The following FHIT variants were observed in gnomAD, a reference collection of about 807,000 sequenced individuals.
FHIT encodes the protein fragile histidine triad diadenosine triphosphatase.
Under a neutral mutation model 17.9 loss-of-function variants are expected in FHIT, and 19 were observed. The observed-to-expected ratio is 1.06, with a 90% CI of 0.74 to 1.56. FHIT has a LOEUF of 1.56. Ranked by LOEUF, FHIT falls within the 40% of genes most tolerant of loss-of-function variation. FHIT has a pLI of 0.00. For missense variants in FHIT, 248 were observed against 189.2 expected, an observed-to-expected ratio of 1.31 and a Z score of -1.82; for synonymous variants, 81 against 69.7, an observed-to-expected ratio of 1.16 and a Z score of -0.81.
intron 5 of FHIT, among the ~76,000 whole-genome samples, chr3:60,271,556 A>G (rs1440639201): frequency 6.6e-6 from 1 of 152,208 alleles, no homozygotes; most frequent in South Asian, 2.1e-4. Flanking sequence ...GAGATTCAAA[A>G]TAATCTAAAA....
intron 5 of FHIT, among the ~76,000 whole-genome samples, chr3:60,214,762 C>T (rs987946755): frequency 1.3e-5 from 2 of 152,106 alleles, no homozygotes; most frequent in South Asian, 4.2e-4. Flanking sequence ...ACGGAATCAA[C>T]CAAGATGCCC....
chr3:59,757,085 T>C (rs1701257145), intron 8 of FHIT, among the ~76,000 whole-genome samples: 1 of 152,164 alleles, frequency 6.6e-6, no homozygotes, highest in Admixed American at 6.5e-5. Context: ...GTGACTCTGC[T>C]TGCTCTGAAA....
chr3:60,442,827 G>A (rs957774040), intron 5 of FHIT, among the ~76,000 whole-genome samples: 42 of 152,178 alleles, frequency 2.8e-4, no homozygotes, highest in African/African-American at 9.2e-4. Flanking sequence ...TTGGTAGCTT[G>A]ATGGGGATGG....
chr3:60,004,161 G>T (rs1005094481), intron 7 of FHIT, among the ~76,000 whole-genome samples: 1 of 152,060 alleles, frequency 6.6e-6, no homozygotes, highest in Non-Finnish European at 1.5e-5. Context: ...GTATTTTAGG[G>T]TCTACAAAAC....
At chr3:59,869,506 G>C (rs1317869226) in intron 8 of FHIT, among the ~76,000 whole-genome samples, 3 of 35,968 alleles carry the variant, frequency 8.3e-5, no homozygotes, top group Non-Finnish European at 1.6e-4. Flanking sequence ...TTTTTAGACA[G>C]AGTCTCGCTC....
intron 8 of FHIT, among the ~76,000 whole-genome samples, chr3:59,885,026 A>T (rs1703560713): frequency 6.6e-6 from 1 of 152,250 alleles, no homozygotes; most frequent in Admixed American, 6.5e-5. Flanking sequence ...AAAACAAAAT[A>T]AAGCAAAACA....
At chr3:60,490,285 A>ATTTT (rs1408771107) in intron 5 of FHIT, among the ~76,000 whole-genome samples, 1 of 152,140 alleles carries the variant, frequency 6.6e-6, no homozygotes, top group Non-Finnish European at 1.5e-5. Context: ...ATGTTACATT[A>ATTTT]GACATCGTTA....
At chr3:60,044,291 T>A (rs181388857) in intron 5 of FHIT, among the ~76,000 whole-genome samples, 103 of 152,306 alleles carry the variant, frequency 6.8e-4, no homozygotes, top group Middle Eastern at 3.4e-3. Context: ...CTCAAAAGTT[T>A]TAACTCCTTG....
chr3:60,411,893 A>G (rs1252009109), intron 5 of FHIT, among the ~76,000 whole-genome samples: 18 of 152,142 alleles, frequency 1.2e-4, no homozygotes, highest in Admixed American at 1.2e-3. Context: ...CTCTAGAAAA[A>G]CTGCTGGATG....
intron 4 of FHIT, among the ~76,000 whole-genome samples, chr3:60,612,523 T>G (rs563141899): frequency 6.6e-6 from 1 of 152,334 alleles, no homozygotes; most frequent in South Asian, 2.1e-4. Flanking sequence ...AATATTTGGT[T>G]ATTGGATACT....
intron 4 of FHIT, among the ~76,000 whole-genome samples, chr3:60,553,834 C>T (rs2036651627): frequency 6.6e-6 from 1 of 151,938 alleles, no homozygotes; most frequent in Non-Finnish European, 1.5e-5. Context: ...ACCTGTAATC[C>T]CAGCACTTTA....
intron 7 of FHIT, among the ~76,000 whole-genome samples, chr3:59,986,521 A>ATT (rs1708920521): frequency 1.9e-4 from 1 of 5,330 alleles, no homozygotes; most frequent in African/African-American, 5.3e-4. Flanking sequence ...ATATATATAT[A>ATT]TATATATATA....
chr3:60,392,416 C>T (rs578258098), intron 5 of FHIT, among the ~76,000 whole-genome samples: 1 of 152,262 alleles, frequency 6.6e-6, no homozygotes, highest in East Asian at 1.9e-4. Flanking sequence ...AATATGAAGC[C>T]TACAGTGGCA....
intron 5 of FHIT, among the ~76,000 whole-genome samples, chr3:60,119,523 T>C (rs868057447): frequency 6.6e-6 from 1 of 152,194 alleles, no homozygotes; most frequent in Non-Finnish European, 1.5e-5. Flanking sequence ...CATTATAAAA[T>C]CCAGGATATA....
At chr3:60,122,029 T>C (rs970331126) in intron 5 of FHIT, among the ~76,000 whole-genome samples, 3 of 151,928 alleles carry the variant, frequency 2.0e-5, no homozygotes, top group Non-Finnish European at 4.4e-5. Context: ...TGAAACAGAC[T>C]ACACTTGCAA....
intron 5 of FHIT, among the ~76,000 whole-genome samples, chr3:60,098,633 T>A (rs1350319369): frequency 6.6e-6 from 1 of 152,188 alleles, no homozygotes; most frequent in African/African-American, 2.4e-5. Flanking sequence ...GTCAGATGAA[T>A]AGATTGCAAA....
At chr3:60,985,380 C>T (rs898818477) in intron 3 of FHIT, among the ~76,000 whole-genome samples, 4 of 152,016 alleles carry the variant, frequency 2.6e-5, no homozygotes, top group Admixed American at 6.6e-5. Flanking sequence ...GCAAGCTATC[C>T]GATCCTCCTT....
intron 5 of FHIT, among the ~76,000 whole-genome samples, chr3:60,057,079 C>G (rs1243843637): frequency 1.3e-5 from 2 of 152,114 alleles, no homozygotes; most frequent in East Asian, 1.9e-4. Flanking sequence ...ATTCTTTGTC[C>G]TGGGTGGAAC....
At position 59,939,614 on chromosome 3, in the gene FHIT, G is replaced by A. The variant is rs78990401; in HGVS notation, c.280-17200C>T. Among the ~76,000 whole-genome samples the A allele has an allele frequency of 1.5e-3, 232 of 152,322 alleles. 1 individual carries two copies. The highest frequency in any genetic ancestry group is 5.2e-3 in the African/African-American group (217 of 41,568). On this transcript the variant is annotated intron_variant, in intron 7 of 9. Transcript: ENST00000492590. The stretch of plus-strand genomic sequence containing the variant: ...TGAAGGCTAAGTGTGTACTTGACAT[G>A]TGAAAAAATGAATGTGTCTTCTAGG...
Sources: gnomAD v4.1 joint callset for allele counts (sites outside exome capture counted in the v4.1 genomes callset) on GRCh38, gnomAD v4.1.1 for gene constraint, MANE v1.5 for transcripts, NCBI Gene and HGNC (gene_info 2026-07-23, HGNC 2026-07-21) for gene names.